Variants in TTC29 observed in about 807,000 individuals in gnomAD.
TTC29 encodes tetratricopeptide repeat domain 29, also known as tetratricopeptide repeat protein 29.
Under a neutral mutation model 58.1 loss-of-function variants are expected in TTC29, and 49 were observed. That is an observed-to-expected ratio of 0.84 (90% CI 0.67 to 1.07). The LOEUF is 1.07. Ranked by LOEUF, TTC29 falls within the 50% of genes least tolerant of loss-of-function variation. TTC29 has a pLI of 0.00. For missense variants in TTC29, 582 were observed against 555.6 expected (o/e 1.05, Z -0.48); for synonymous variants, 209 against 196.8 (o/e 1.06, Z -0.52).
intron 11 of TTC29, among the ~76,000 whole-genome samples, chr4:146,781,267 A>G (rs1371653903): frequency 3.3e-5 from 5 of 151,990 alleles, no homozygotes; most frequent in Non-Finnish European, 5.9e-5. Context: ...ATGGCTTGAC[A>G]TATTTCCCAA....
At chr4:146,908,704 G>A (rs982088899) in intron 5 of TTC29, among the ~76,000 whole-genome samples, 7 of 152,076 alleles carry the variant, frequency 4.6e-5, no homozygotes, top group Admixed American at 1.3e-4. Flanking sequence ...TTCAGATTAC[G>A]TATACAGAAA....
intron 11 of TTC29, among the ~76,000 whole-genome samples, chr4:146,719,182 C>G (rs1023970317): frequency 2.9e-5 from 4 of 135,980 alleles, no homozygotes; most frequent in Middle Eastern, 7.1e-3. Flanking sequence ...ATTGCCTTGG[C>G]TATTGGGGTG....
intron 2 of TTC29, chr4:146,942,920 T>C (rs947817677): frequency 1.1e-5 from 3 of 278,524 alleles, no homozygotes; most frequent in African/African-American, 6.5e-5. Context: ...ACTAAGAACA[T>C]CCAGCTATTT....
intron 11 of TTC29, among the ~76,000 whole-genome samples, chr4:146,778,932 CA>C (rs1351591739): frequency 8.6e-6 from 1 of 116,316 alleles, no homozygotes; most frequent in African/African-American, 3.3e-5. Context: ...TACTGCTACC[CA>C]ATATATCCAT....
At chr4:146,874,368 T>C (rs1234942070) in intron 7 of TTC29, among the ~76,000 whole-genome samples, 1 of 152,170 alleles carries the variant, frequency 6.6e-6, no homozygotes, top group Non-Finnish European at 1.5e-5. Flanking sequence ...GAAAGGTCTC[T>C]AAGACTGCAA....
At position 146,750,347 on chromosome 4, in the gene TTC29, C is replaced by T. The variant is rs746052302; in HGVS notation, c.1331-42796G>A. Among the ~76,000 whole-genome samples the T allele has an allele frequency of 7.2e-5, 11 of 151,894 alleles. No individual in the cohort carries two copies. The East Asian group carries it at 9.6e-4, about 13-fold the overall frequency. ...AAGAAACATTTAAGAAAGTTCATGC[C>T]GAAAGGAAAATATAATAATTACTAT... On this transcript the variant is annotated intron_variant, in intron 11 of 12. Coordinates refer to ENST00000325106, the MANE Select transcript of TTC29 (RefSeq NM_031956.4).
At chr4:146,822,653 T>A (rs1751930039) in intron 9 of TTC29, among the ~76,000 whole-genome samples, 1 of 152,264 alleles carries the variant, frequency 6.6e-6, no homozygotes, top group Non-Finnish European at 1.5e-5. Context: ...ATGATATTGC[T>A]GCTTCTAGAT....
At chr4:146,801,053 G>A (rs1750180918) in intron 11 of TTC29, among the ~76,000 whole-genome samples, 1 of 152,190 alleles carries the variant, frequency 6.6e-6, no homozygotes, top group African/African-American at 2.4e-5. Context: ...ACTGAAAGTA[G>A]GTGATAATAA....
chr4:146,817,384 A>G (rs1213562323), intron 10 of TTC29, among the ~76,000 whole-genome samples: 7 of 152,240 alleles, frequency 4.6e-5, no homozygotes, highest in African/African-American at 1.7e-4. Flanking sequence ...AGGGATGTGA[A>G]GGACCTCTTC....
intron 8 of TTC29, among the ~76,000 whole-genome samples, chr4:146,851,283 A>G (rs1314235607): frequency 1.3e-5 from 2 of 152,190 alleles, no homozygotes; most frequent in Non-Finnish European, 2.9e-5. Flanking sequence ...GAAGAAACTG[A>G]AGCACAAGAT....
intron 11 of TTC29, among the ~76,000 whole-genome samples, chr4:146,792,160 T>C (rs1482829462): frequency 6.6e-6 from 1 of 152,144 alleles, no homozygotes; most frequent in Non-Finnish European, 1.5e-5. Context: ...GAAACAGCCT[T>C]TCATTGGAAG....
At chr4:146,926,242 C>T (rs1734921336) in intron 4 of TTC29, among the ~76,000 whole-genome samples, 1 of 152,100 alleles carries the variant, frequency 6.6e-6, no homozygotes, top group Non-Finnish European at 1.5e-5. Flanking sequence ...CAGGAAAAAG[C>T]TTGTCTCTCT....
At chr4:146,719,174 T>C (rs1274499214) in intron 11 of TTC29, among the ~76,000 whole-genome samples, 1 of 149,426 alleles carries the variant, frequency 6.7e-6, no homozygotes, top group Admixed American at 6.8e-5. Flanking sequence ...TGCTCATCAT[T>C]GCCTTGGCTA....
intron 2 of TTC29, chr4:146,944,062 T>A (rs1316897353): frequency 6.6e-6 from 1 of 152,296 alleles, no homozygotes; most frequent in East Asian, 1.9e-4. Flanking sequence ...TTGCTCAGGT[T>A]CAGGTGAGTA....
chr4:146,729,916 G>A (rs906732099), intron 11 of TTC29, among the ~76,000 whole-genome samples: 6 of 151,828 alleles, frequency 4.0e-5, no homozygotes, highest in East Asian at 1.9e-4. Flanking sequence ...GGGGATTATG[G>A]GGATTACCAT....
At chr4:146,813,264 A>G (rs1751149805) in intron 10 of TTC29, among the ~76,000 whole-genome samples, 1 of 152,180 alleles carries the variant, frequency 6.6e-6, no homozygotes, top group South Asian at 2.1e-4. Flanking sequence ...CTTTTTAACT[A>G]TGTCATTAGT....
At chr4:146,740,864 A>T (rs1331816057) in intron 11 of TTC29, among the ~76,000 whole-genome samples, 1 of 152,018 alleles carries the variant, frequency 6.6e-6, no homozygotes, top group Non-Finnish European at 1.5e-5. Context: ...CAAGCAGCTG[A>T]AACTACAGGC....
At chr4:146,760,335 T>A (rs192545159) in intron 11 of TTC29, among the ~76,000 whole-genome samples, 45 of 152,102 alleles carry the variant, frequency 3.0e-4, no homozygotes, top group African/African-American at 7.7e-4. Context: ...ACGGGTAGAA[T>A]CAATATTGTG....
At chr4:146,769,581 A>G (rs1045393337) in intron 11 of TTC29, among the ~76,000 whole-genome samples, 19 of 152,034 alleles carry the variant, frequency 1.2e-4, no homozygotes, top group Non-Finnish European at 4.4e-5. Context: ...ATTAAAAACA[A>G]AAGAAAGTCA....
Sources: gnomAD v4.1 joint callset for allele counts (sites outside exome capture counted in the v4.1 genomes callset) on GRCh38, gnomAD v4.1.1 for gene constraint, MANE v1.5 for transcripts, NCBI Gene and HGNC (gene_info 2026-07-23, HGNC 2026-07-21) for gene names.